Variants in ZNRF2 observed in about 807,000 individuals in gnomAD.
ZNRF2 encodes the protein E3 ubiquitin-protein ligase ZNRF2.
Under a neutral mutation model 20.4 loss-of-function variants are expected in ZNRF2, and 16 were observed. The observed-to-expected ratio is 0.79, with a 90% CI of 0.53 to 1.19. ZNRF2 has a LOEUF of 1.19. Ranked by LOEUF, ZNRF2 falls within the 50% of genes most tolerant of loss-of-function variation. ZNRF2 has a pLI of 0.00. For missense variants in ZNRF2, 363 were observed against 332.4 expected, an observed-to-expected ratio of 1.09 and a Z score of -0.72; for synonymous variants, 178 against 144.9, an observed-to-expected ratio of 1.23 and a Z score of -1.64.
Position 30,354,222 on chromosome 7 carries a change from A to G in ZNRF2, c.566-1506A>G, listed in dbSNP as rs1372881481. Among the ~76,000 whole-genome samples the G allele has an allele frequency of 3.9e-5, 6 of 152,126 alleles. No homozygotes were observed. The East Asian group carries it at 7.7e-4, about 20-fold the overall frequency. ...TGGTAATAACATTTTCCGTTTATCC[A>G]GCTTTGCTTGTCCAGAAATCTTTAC... On this transcript the variant is annotated intron_variant, in intron 2 of 4. Coordinates refer to ENST00000323037, the MANE Select transcript of ZNRF2 (RefSeq NM_147128.4).
chr7:30,365,352 T>C (rs1189419413), intron 4 of ZNRF2, among the ~76,000 whole-genome samples: 1 of 152,056 alleles, frequency 6.6e-6, no homozygotes, highest in Non-Finnish European at 1.5e-5. Context: ...AGTGTTATAT[T>C]TGCTTATTTG....
intron 1 of ZNRF2, among the ~76,000 whole-genome samples, chr7:30,317,186 G>C (rs917129824): frequency 6.6e-6 from 1 of 152,100 alleles, no homozygotes; most frequent in South Asian, 2.1e-4. Flanking sequence ...GTTCATTTCC[G>C]TATTTATTTG....
chr7:30,288,583 C>G (rs1326192722), intron 1 of ZNRF2, among the ~76,000 whole-genome samples: 1 of 152,204 alleles, frequency 6.6e-6, no homozygotes, highest in African/African-American at 2.4e-5. Context: ...ATTTGGACAT[C>G]TGTTTTGGCT....
At chr7:30,355,078 C>A (rs995106352) in intron 2 of ZNRF2, among the ~76,000 whole-genome samples, 7 of 152,084 alleles carry the variant, frequency 4.6e-5, no homozygotes, top group Non-Finnish European at 8.8e-5. Flanking sequence ...AAATACCCTG[C>A]AGATCCTTTT....
At chr7:30,353,951 C>T (rs950128125) in intron 2 of ZNRF2, among the ~76,000 whole-genome samples, 4 of 151,994 alleles carry the variant, frequency 2.6e-5, no homozygotes, top group African/African-American at 9.7e-5. Flanking sequence ...TAGACCTTTA[C>T]CAGGTTTTTT....
At chr7:30,357,835 ATTTAT>A (rs1199511324) in intron 3 of ZNRF2, among the ~76,000 whole-genome samples, 3 of 152,202 alleles carry the variant, frequency 2.0e-5, no homozygotes, top group African/African-American at 7.2e-5. Context: ...AGGTTCTCCC[ATTTAT>A]TTTATGAGAA....
intron 2 of ZNRF2, among the ~76,000 whole-genome samples, chr7:30,324,064 T>C (rs1440683515): frequency 1.3e-5 from 2 of 152,192 alleles, no homozygotes; most frequent in African/African-American, 4.8e-5. Context: ...GTAAATTTTC[T>C]AAGACAAAAT....
intron 1 of ZNRF2, among the ~76,000 whole-genome samples, chr7:30,299,692 A>C (rs1274818259): frequency 6.6e-6 from 1 of 152,100 alleles, no homozygotes; most frequent in African/African-American, 2.4e-5. Flanking sequence ...TACATAGAAA[A>C]AAGTAGTTTC....
chr7:30,344,382 T>G lies in ZNRF2; in HGVS notation c.566-11346T>G, dbSNP rs367701150. Among the ~76,000 whole-genome samples the G allele has an allele frequency of 2.0e-4, 30 of 152,236 alleles. No homozygotes were observed. In the South Asian group the frequency reaches 5.8e-3, roughly 29 times the overall value. On this transcript the variant is annotated intron_variant, in intron 2 of 4. Transcript: ENST00000323037. Reference sequence around the variant, plus strand: ...TAGAATACCTCTTATTTTTAGATACTGTTTTTTTCTATGAGCAATAATGAA... The same window carrying G: ...TAGAATACCTCTTATTTTTAGATACGGTTTTTTTCTATGAGCAATAATGAA...
At chr7:30,310,767 C>T (rs1001297736) in intron 1 of ZNRF2, among the ~76,000 whole-genome samples, 1 of 152,106 alleles carries the variant, frequency 6.6e-6, no homozygotes, top group African/African-American at 2.4e-5. Context: ...GTGTGGCATA[C>T]AGGACTGAAT....
At chr7:30,305,588 C>T (rs1799187262) in intron 1 of ZNRF2, among the ~76,000 whole-genome samples, 1 of 152,066 alleles carries the variant, frequency 6.6e-6, no homozygotes, top group Non-Finnish European at 1.5e-5. Context: ...AGTTTCATTT[C>T]TTGAACTCAT....
chr7:30,331,633 A>C (rs1478689572), intron 2 of ZNRF2, among the ~76,000 whole-genome samples: 2 of 152,216 alleles, frequency 1.3e-5, no homozygotes, highest in African/African-American at 4.8e-5. Flanking sequence ...GTGGAGAGGC[A>C]GTATTTGAAG....
chr7:30,295,556 A>G (rs1181921705), intron 1 of ZNRF2, among the ~76,000 whole-genome samples: 5 of 152,234 alleles, frequency 3.3e-5, no homozygotes, highest in African/African-American at 9.6e-5. Flanking sequence ...CCAAAAATAC[A>G]AAAATTAGCC....
At chr7:30,354,551 A>T (rs1800008315) in intron 2 of ZNRF2, among the ~76,000 whole-genome samples, 1 of 152,212 alleles carries the variant, frequency 6.6e-6, no homozygotes, top group Admixed American at 6.5e-5. Flanking sequence ...CTTACAGATA[A>T]TGTACACAAT....
chr7:30,338,433 A>AC (rs1367419464), intron 2 of ZNRF2, among the ~76,000 whole-genome samples: 1 of 13,942 alleles, frequency 7.2e-5, no homozygotes, highest in African/African-American at 2.9e-4. Flanking sequence ...GCCCCCCCCC[A>AC]CCCCCCAACA....
chr7:30,351,995 A>C (rs918801515), intron 2 of ZNRF2, among the ~76,000 whole-genome samples: 14 of 152,034 alleles, frequency 9.2e-5, no homozygotes, highest in African/African-American at 3.1e-4. Context: ...ATGGAGAGAA[A>C]AAGAAATAGG....
intron 2 of ZNRF2, among the ~76,000 whole-genome samples, chr7:30,339,140 T>C (rs1731282960): frequency 6.6e-6 from 1 of 152,218 alleles, no homozygotes; most frequent in Admixed American, 6.5e-5. Flanking sequence ...TCTTGTAAAT[T>C]TAAGTTGTTT....
chr7:30,302,986 TAAAG>T (rs1233956444), intron 1 of ZNRF2, among the ~76,000 whole-genome samples: 2 of 152,130 alleles, frequency 1.3e-5, no homozygotes, highest in African/African-American at 4.8e-5. Flanking sequence ...AGTTCTGTAA[TAAAG>T]AAGTCTAAGG....
intron 1 of ZNRF2, among the ~76,000 whole-genome samples, chr7:30,308,427 A>G (rs968951114): frequency 6.6e-6 from 1 of 152,240 alleles, no homozygotes; most frequent in Non-Finnish European, 1.5e-5. Flanking sequence ...ATTACTTAAA[A>G]TATGGTCCTT....
Sources: allele counts gnomAD v4.1 joint callset (sites outside exome capture counted in the v4.1 genomes callset), GRCh38; gene constraint gnomAD v4.1.1; transcripts MANE v1.5; gene names NCBI Gene and HGNC (gene_info 2026-07-23, HGNC 2026-07-21).